RARG: variants seen among roughly 807,000 people sequenced by gnomAD.
RARG encodes RAR-gamma.
Under a neutral mutation model 43.7 loss-of-function variants are expected in RARG, and 17 were observed. That is an observed-to-expected ratio of 0.39 (90% CI 0.27 to 0.58). The LOEUF (loss-of-function observed/expected upper bound fraction) is 0.58, where lower values mean the gene tolerates loss of function less well. RARG is among the 20% of genes least tolerant of loss of function. RARG has a pLI of 0.57. For missense variants in RARG, 346 were observed against 598.7 expected (o/e 0.58, Z 4.40); for synonymous variants, 238 against 236.4 (o/e 1.01, Z -0.06).
intron 3 of RARG, among the ~76,000 whole-genome samples, chr12:53,222,100 G>A (rs1356687262): frequency 6.6e-6 from 1 of 151,986 alleles, no homozygotes; most frequent in Non-Finnish European, 1.5e-5. Flanking sequence ...TGACTAGGGG[G>A]CTTGAAGCAG....
intron 9 of RARG, 108 bp downstream of exon 9, chr12:53,212,977 T>TCTCGGTGGTCGCCGTATCATTAAAAAAG: frequency 7.5e-7 from 1 of 1,326,216 alleles, no homozygotes; most frequent in Non-Finnish European, 1.0e-6. Context: ...CCAGTGTAGA[T>TCTCGGTGGTCGCCGTATCATTAAAAAAG]TGCCTGGTTC....
chr12:53,215,560 G>T lies in RARG; in HGVS notation c.333+86C>A. The T allele has an allele frequency of 6.3e-7, 1 of 1,583,078 alleles. No individual in the cohort carries two copies. The highest frequency in any genetic ancestry group is 8.6e-7 in the Non-Finnish European group (1 of 1,159,966). On this transcript the variant is annotated intron_variant, in intron 4 of 9. Transcript: ENST00000425354. This position sits in a 1 kb window ranked among gnomAD's most constrained non-coding sequence, Gnocchi z 6.4. ...AACCACCTATGTGCAAAGCAGTGCTGCTCAGACACAGCATCTGTGTGCCTG... is the reference window on the plus strand; with the variant it reads ...AACCACCTATGTGCAAAGCAGTGCTTCTCAGACACAGCATCTGTGTGCCTG...
chr12:53,212,757 C>T (rs974712249), intron 9 of RARG, among the ~76,000 whole-genome samples: 2 of 151,072 alleles, frequency 1.3e-5, no homozygotes, highest in South Asian at 2.1e-4. Context: ...CACACACACA[C>T]ACACACACAC....
rs1430491578 is a variant in RARG, at chr12:53,216,841, T to TGTGTGTGTGTGTGTGTGTGC, written c.185-1048_185-1047insGCACACACACACACACACAC. Among the ~76,000 whole-genome samples, 498 of 129,362 alleles carry TGTGTGTGTGTGTGTGTGTGC rather than the reference T, an allele frequency of 3.8e-3. 4 individuals are homozygous for TGTGTGTGTGTGTGTGTGTGC. Among genetic ancestry groups the TGTGTGTGTGTGTGTGTGTGC allele is most frequent in the African/African-American group, 0.016 (472 of 29,542 alleles). The allele number at this position is 129,362 out of a possible 152,430, so 84.9% of individuals were successfully genotyped here. On this transcript the variant is annotated intron_variant, in intron 3 of 9. Transcript: ENST00000425354. ...GGGTAAGTGTGTGTGTGTGTGTGTGTGCGCGCGCGCGCGCGCGCGCGTGTG... is the reference window on the plus strand; with the variant it reads ...GGGTAAGTGTGTGTGTGTGTGTGTGTGTGTGTGTGTGTGTGTGTGCGCGCGCGCGCGCGCGCGCGCGTGTG...
intron 5 of RARG, 45 bp from the exon 6 acceptor site, chr12:53,214,651 T>TCC: frequency 1.9e-6 from 3 of 1,543,628 alleles, no homozygotes. Context: ...CCTCAGAGCC[T>TCC]CCCTTTGGGT....
rs768717433 is a variant in RARG, at chr12:53,227,337, A to T, written c.184+25T>A. The T allele has an allele frequency of 6.7e-7, 1 of 1,502,508 alleles. No individual in the cohort carries two copies. 93.1% of individuals were successfully genotyped at this position (1,502,508 alleles called of 1,614,324 possible). A position where few individuals can be genotyped will look rare whatever the true frequency, so the allele number is the denominator to read the frequency against. On this transcript the variant is annotated intron_variant, in intron 3 of 9. Transcript: ENST00000425354. The surrounding 1 kb of genome is among the most constrained non-coding windows in gnomAD (Gnocchi z 4.3). ...TGCCTTCTTGTTAACATTTGCCTTC[A>T]TTCCCCAAGATCCCTGAGACTCACA...
chr12:53,211,940 T>G lies in RARG; in HGVS notation c.1178-77A>C, dbSNP rs1376220189. ...CTTAAGGCCATCTCCCTAACCTTTC[T>G]CAACTGCCCCTGACTCCCCTAGGGG... On this transcript the variant is annotated intron_variant, in intron 9 of 9. Transcript: ENST00000425354. The surrounding 1 kb of genome is among the most constrained non-coding windows in gnomAD (Gnocchi z 4.6). 8.3e-7 allele frequency: 1 copy of G among 1,204,948 alleles called. No individual in the cohort carries two copies. The highest frequency in any genetic ancestry group is 1.1e-6 in the Non-Finnish European group (1 of 921,130). The allele number at this position is 1,204,948 out of a possible 1,614,324, so 74.6% of individuals were successfully genotyped here. A position where few individuals can be genotyped will look rare whatever the true frequency, so the allele number is the denominator to read the frequency against.
chr12:53,222,233 G>GAAAGAAAA lies in RARG; in HGVS notation c.184+5128_184+5129insTTTTCTTT, dbSNP rs1555181728. Among the ~76,000 whole-genome samples the GAAAGAAAA allele has an allele frequency of 1.7e-3, 251 of 149,798 alleles. 3 individuals are homozygous for GAAAGAAAA. In the East Asian group the frequency reaches 0.027, roughly 16 times the overall value. On this transcript the variant is annotated intron_variant, in intron 3 of 9. Transcript: ENST00000425354. ...CCCACAAAAAAAAGAAAGAAAGAGAGAGAAAGAAAAGAAAGAGAAAGAAAG... is the reference window on the plus strand; with the variant it reads ...CCCACAAAAAAAAGAAAGAAAGAGAGAAAGAAAAAGAAAGAAAAGAAAGAGAAAGAAAG...
At chr12:53,220,782 A>G (rs1471359252) in intron 3 of RARG, among the ~76,000 whole-genome samples, 1 of 152,052 alleles carries the variant, frequency 6.6e-6, no homozygotes, top group Non-Finnish European at 1.5e-5. Context: ...CCCTCTCCCC[A>G]AACTCTCCCT....
At position 53,211,557 on chromosome 12, in the gene RARG, C is replaced by T; in HGVS notation, c.*119G>A. On this transcript the variant is annotated 3_prime_UTR_variant, in exon 10 of 10. Transcript: ENST00000425354. The surrounding 1 kb of genome is among the most constrained non-coding windows in gnomAD (Gnocchi z 4.6). ...GAAACTTTGGCAAAAACAAGGAGCTCATTGGAAGGGGTGGGGAGAGGGCAG... is the reference window on the plus strand; with the variant it reads ...GAAACTTTGGCAAAAACAAGGAGCTTATTGGAAGGGGTGGGGAGAGGGCAG... 1.0e-6 allele frequency: 1 copy of T among 986,722 alleles called. No homozygotes were observed. Among genetic ancestry groups the T allele is most frequent in the Non-Finnish European group, 1.4e-6 (1 of 731,958 alleles). 61.1% of individuals were successfully genotyped at this position (986,722 alleles called of 1,614,324 possible).
Position 53,227,108 on chromosome 12 carries a change from C to A in RARG, c.184+254G>T, listed in dbSNP as rs903497068. ...GGAGGCAGTTTTAGATACCCACCCC[C>A]CAAGTTTTAGGCCTGCTACCTCCCT... On this transcript the variant is annotated intron_variant, in intron 3 of 9. Coordinates refer to ENST00000425354, the MANE Select transcript of RARG (RefSeq NM_000966.6). This position sits in a 1 kb window ranked among gnomAD's most constrained non-coding sequence, Gnocchi z 4.3. Among the ~76,000 whole-genome samples, 6 of 151,008 alleles carry A rather than the reference C, an allele frequency of 4.0e-5. No homozygotes were observed. The highest frequency in any genetic ancestry group is 1.3e-4 in the Admixed American group (2 of 15,218).
chr12:53,219,920 T>C, intron 3 of RARG: 1 of 1,483,112 alleles, frequency 6.7e-7, no homozygotes, highest in Non-Finnish European at 9.0e-7. Context: ...TCCTGCACCC[T>C]ACACCCCAGC....
Position 53,215,414 on chromosome 12 carries a change from G to A in RARG, c.354C>T (p.Ile118=). The A allele has an allele frequency of 3.1e-6, 5 of 1,614,140 alleles. No individual in the cohort carries two copies. Among genetic ancestry groups the A allele is most frequent in the Non-Finnish European group, 4.2e-6 (5 of 1,180,010 alleles). ...EGCKGFFRRS[I]QKNMVYTCHR... ...GACACGTGTACACCATGTTCTTCTGGATGCTTCGGCGAAAGAAGCCCTGGA... is the reference window on the plus strand; with the variant it reads ...GACACGTGTACACCATGTTCTTCTGAATGCTTCGGCGAAAGAAGCCCTGGA... Residue 118 remains isoleucine (I), a synonymous_variant, in exon 5 of 10, where the codon ATC becomes ATT. Transcript: ENST00000425354. The surrounding 1 kb of genome is among the most constrained non-coding windows in gnomAD (Gnocchi z 6.4).
At chr12:53,222,033 C>T (rs974064370) in intron 3 of RARG, among the ~76,000 whole-genome samples, 8 of 149,144 alleles carry the variant, frequency 5.4e-5, no homozygotes, top group East Asian at 1.9e-4. Context: ...GGGGGGCTGC[C>T]GGGGCTGGGA....
chr12:53,224,932 G>T (rs555066981), intron 3 of RARG, among the ~76,000 whole-genome samples: 3 of 152,118 alleles, frequency 2.0e-5, no homozygotes, highest in Non-Finnish European at 4.4e-5. Context: ...CATGGCACAG[G>T]GGCGCAAGGG....
chr12:53,221,812 G>A (rs1942973021), intron 3 of RARG, among the ~76,000 whole-genome samples: 1 of 151,604 alleles, frequency 6.6e-6, no homozygotes, highest in Admixed American at 6.6e-5. Flanking sequence ...GCTCACACGG[G>A]CAGCGCCGCG....
chr12:53,222,246 AAGAG>A (rs936360753), intron 3 of RARG, among the ~76,000 whole-genome samples: 1 of 151,696 alleles, frequency 6.6e-6, no homozygotes, highest in Non-Finnish European at 1.5e-5. Context: ...AAAGAAAAGA[AAGAG>A]AAAGAAAGAA....
At position 53,223,529 on chromosome 12, in the gene RARG, C is replaced by A. The variant is rs568363458; in HGVS notation, c.184+3833G>T. Among the ~76,000 whole-genome samples, 14 of 149,344 alleles carry A rather than the reference C, an allele frequency of 9.4e-5. No individual in the cohort carries two copies. The East Asian group carries it at 1.4e-3, about 15-fold the overall frequency. ...GGCTTGCCCGGCTCCCCCCGCCCCC[C>A]CCCCGCCCAAGAGGTTTCCTGTTGC... On this transcript the variant is annotated intron_variant, in intron 3 of 9. Coordinates refer to ENST00000425354, the MANE Select transcript of RARG (RefSeq NM_000966.6).
intron 3 of RARG, among the ~76,000 whole-genome samples, chr12:53,225,527 C>T (rs1943086532): frequency 6.6e-6 from 1 of 152,228 alleles, no homozygotes; most frequent in African/African-American, 2.4e-5. Flanking sequence ...CAACCCTCTG[C>T]GTGCCCCCTC....
Sources: gnomAD v4.1 joint callset for allele counts (sites outside exome capture counted in the v4.1 genomes callset) on GRCh38, gnomAD v4.1.1 for gene constraint, Gnocchi (gnomAD v3.1) non-coding constraint, MANE v1.5 for transcripts, NCBI Gene and HGNC (gene_info 2026-07-23, HGNC 2026-07-21) for gene names.